GLMN: variants seen among roughly 807,000 people sequenced by gnomAD.
GLMN encodes the protein glomulin, FKBP associated protein.
GLMN carries 75 observed loss-of-function variants against 87.8 expected under a neutral mutation model. The observed-to-expected ratio is 0.85, with a 90% CI of 0.71 to 1.04. The LOEUF is 1.04. GLMN is among the 50% of genes least tolerant of loss of function. The pLI is 0.00. For synonymous variants in GLMN, 206 were observed against 221.6 expected, an observed-to-expected ratio of 0.93 and a Z score of 0.63; for missense variants, 588 against 658.8, an observed-to-expected ratio of 0.89 and a Z score of 1.18.
chr1:92,302,014 A>G (rs1432632396), upstream of GLMN, among the ~76,000 whole-genome samples: 1 of 152,172 alleles, frequency 6.6e-6, no homozygotes, highest in Non-Finnish European at 1.5e-5. Context: ...GCCAGGCACA[A>G]TGGCTCATGT....
the GLMN span, among the ~76,000 whole-genome samples, chr1:92,309,664 A>C: frequency 2.6e-5 from 4 of 152,110 alleles, no homozygotes; most frequent in African/African-American, 9.7e-5. Flanking sequence ...TTTAACAATC[A>C]CTGGATGCCA....
upstream of GLMN, among the ~76,000 whole-genome samples, chr1:92,303,269 C>T (rs904641271): frequency 6.6e-6 from 1 of 152,114 alleles, no homozygotes; most frequent in Non-Finnish European, 1.5e-5. Flanking sequence ...TATTTGATGA[C>T]ACCAGAAAAG....
At chr1:92,250,032 C>G (rs1653252341) in intron 16 of GLMN, among the ~76,000 whole-genome samples, 1 of 151,494 alleles carries the variant, frequency 6.6e-6, no homozygotes, top group African/African-American at 2.4e-5. Context: ...GCATTCACCT[C>G]TGGGTTTATA....
chr1:92,272,801 A>G (rs574353417), intron 7 of GLMN, among the ~76,000 whole-genome samples: 1 of 152,118 alleles, frequency 6.6e-6, no homozygotes, highest in East Asian at 1.9e-4. Context: ...AAACAAGATC[A>G]CTCCTATGCC....
chr1:92,346,308 C>T, the GLMN span, among the ~76,000 whole-genome samples: 1 of 151,916 alleles, frequency 6.6e-6, no homozygotes, highest in Non-Finnish European at 1.5e-5. Flanking sequence ...GGACTATAGT[C>T]ACACACCACC....
chr1:92,298,070 C>A, intron 1 of GLMN, 41 bp from the exon 2 acceptor site: 1 of 843,920 alleles, frequency 1.2e-6, no homozygotes, highest in Non-Finnish European at 2.1e-6. Flanking sequence ...CGTGATATTA[C>A]ACTTAAGTAT....
the GLMN span, among the ~76,000 whole-genome samples, chr1:92,335,581 G>A: frequency 2.6e-5 from 4 of 151,714 alleles, no homozygotes; most frequent in African/African-American, 4.8e-5. Flanking sequence ...AAACCTAGAA[G>A]GAATGAAATA....
At chr1:92,268,064 A>G (rs771360797) in intron 10 of GLMN, 41 bp downstream of exon 10, 26 of 1,398,128 alleles carry the variant, frequency 1.9e-5, no homozygotes, top group Non-Finnish European at 2.5e-5. Flanking sequence ...ATTTGTTGAC[A>G]TAACTATGTA....
chr1:92,315,982 G>C, the GLMN span, among the ~76,000 whole-genome samples: 1 of 152,212 alleles, frequency 6.6e-6, no homozygotes, highest in East Asian at 1.9e-4. Flanking sequence ...GAGTTTTGAT[G>C]CTCTGAGACA....
the GLMN span, among the ~76,000 whole-genome samples, chr1:92,332,179 G>A: frequency 6.6e-6 from 1 of 151,720 alleles, no homozygotes; most frequent in African/African-American, 2.4e-5. Flanking sequence ...TGTTTGGGGA[G>A]TGGTGACTGT....
At chr1:92,322,031 T>C in the GLMN span, among the ~76,000 whole-genome samples, 4 of 149,658 alleles carry the variant, frequency 2.7e-5, no homozygotes, top group African/African-American at 9.8e-5. Context: ...CTGCAACCTC[T>C]GCCACCTGGG....
the GLMN span, among the ~76,000 whole-genome samples, chr1:92,370,009 C>T: frequency 1.3e-5 from 2 of 152,158 alleles, no homozygotes; most frequent in Non-Finnish European, 2.9e-5. Context: ...CTCATCCTCC[C>T]AAGTAGCTGG....
intron 16 of GLMN, among the ~76,000 whole-genome samples, chr1:92,251,632 T>G (rs926085026): frequency 6.6e-6 from 1 of 152,100 alleles, no homozygotes; most frequent in African/African-American, 2.4e-5. Context: ...AAAATACTAT[T>G]AAAACACAAG....
At position 92,268,030 on chromosome 1, in the gene GLMN, T is replaced by G. The variant is rs755117000; in HGVS notation, c.1009-28A>C. The G allele has an allele frequency of 3.5e-6, 5 of 1,415,618 alleles. No individual in the cohort carries two copies. The Admixed American group carries it at 6.7e-5, about 19-fold the overall frequency. 87.7% of individuals were successfully genotyped at this position (1,415,618 alleles called of 1,614,324 possible). ...ACAGATTAAAATATATGCAGATACATATATAGTGAAGTCAACAGCTGTTAT... is the reference window on the plus strand; with the variant it reads ...ACAGATTAAAATATATGCAGATACAGATATAGTGAAGTCAACAGCTGTTAT... On this transcript the variant is annotated intron_variant, in intron 10 of 18. Coordinates refer to ENST00000370360, the MANE Select transcript of GLMN (RefSeq NM_053274.3).
At chr1:92,279,462 A>AC (rs907329444) in intron 7 of GLMN, among the ~76,000 whole-genome samples, 10 of 147,018 alleles carry the variant, frequency 6.8e-5, no homozygotes. Context: ...GTCACAAAAA[A>AC]AAAAAAAAAA....
At chr1:92,306,317 A>G in the GLMN span, among the ~76,000 whole-genome samples, 1 of 152,238 alleles carries the variant, frequency 6.6e-6, no homozygotes, top group Non-Finnish European at 1.5e-5. Context: ...GAAGGTACTT[A>G]ATACCACTGT....
chr1:92,298,423 C>T (rs1243697608), intron 1 of GLMN, among the ~76,000 whole-genome samples: 2 of 152,058 alleles, frequency 1.3e-5, no homozygotes, highest in Non-Finnish European at 2.9e-5. Context: ...AAAAAATTTC[C>T]AAAAGGTGGA....
chr1:92,306,778 A>G, the GLMN span, among the ~76,000 whole-genome samples: 1 of 152,180 alleles, frequency 6.6e-6, no homozygotes, highest in Non-Finnish European at 1.5e-5. Context: ...GTTTGAGGCT[A>G]CAGTGAGTGA....
the GLMN span, among the ~76,000 whole-genome samples, chr1:92,338,969 C>T: frequency 6.6e-6 from 1 of 152,110 alleles, no homozygotes; most frequent in South Asian, 2.1e-4. Flanking sequence ...CTTATTTAAT[C>T]ACCATTCTGA....
Sources: gnomAD v4.1 joint callset for allele counts (sites outside exome capture counted in the v4.1 genomes callset) on GRCh38, gnomAD v4.1.1 for gene constraint, MANE v1.5 for transcripts, NCBI Gene and HGNC (gene_info 2026-07-23, HGNC 2026-07-21) for gene names.